The following CCDC149 variants were observed in gnomAD, a reference collection of about 807,000 sequenced individuals.
CCDC149 encodes the protein coiled-coil domain-containing protein 149.
In CCDC149, 45 loss-of-function variants were observed where a neutral mutation model predicts 59.9. That is an observed-to-expected ratio of 0.75 (90% confidence interval 0.59 to 0.96). CCDC149 has a LOEUF of 0.96. Ranked by LOEUF, CCDC149 falls within the 40% of genes least tolerant of loss-of-function variation. The pLI is 0.00. For missense variants in CCDC149, 584 were observed against 664.7 expected (o/e 0.88, Z 1.33); for synonymous variants, 245 against 260.6 (o/e 0.94, Z 0.58).
chr4:24,831,327 A>G, intron 9 of CCDC149, 179 bp downstream of exon 9: 1 of 626,298 alleles, frequency 1.6e-6, no homozygotes, highest in Non-Finnish European at 2.8e-6. Context: ...GCTCCAGCTG[A>G]TAGCCAAGAT....
At chr4:24,827,923 T>C (rs1715868467) in intron 9 of CCDC149, 1 of 152,162 alleles carries the variant, frequency 6.6e-6, no homozygotes. Flanking sequence ...AAGATTGCAA[T>C]TGGGTCATGC....
chr4:24,889,072 G>A (rs1326898098), intron 1 of CCDC149, among the ~76,000 whole-genome samples: 2 of 152,146 alleles, frequency 1.3e-5, no homozygotes, highest in Non-Finnish European at 2.9e-5. Context: ...TTTATAATGT[G>A]AACTACAGTA....
chr4:24,906,465 G>A (rs1166563612), intron 1 of CCDC149, among the ~76,000 whole-genome samples: 8 of 140,740 alleles, frequency 5.7e-5, no homozygotes, highest in Non-Finnish European at 7.8e-5. Flanking sequence ...GCAGTGGCAC[G>A]ATCTTGGCTC....
chr4:24,973,992 G>A (rs1374458100), intron 1 of CCDC149, among the ~76,000 whole-genome samples: 1 of 152,384 alleles, frequency 6.6e-6, no homozygotes, highest in Non-Finnish European at 1.5e-5. Flanking sequence ...TGTTTCGCAA[G>A]AGTCACGGTC....
intron 1 of CCDC149, among the ~76,000 whole-genome samples, chr4:24,904,715 T>C (rs764474474): frequency 6.6e-6 from 1 of 152,220 alleles, no homozygotes. Flanking sequence ...TTTTGTAACT[T>C]GTTGCTTTTC....
chr4:24,851,594 A>G (rs1237470660), intron 4 of CCDC149, among the ~76,000 whole-genome samples: 1 of 152,224 alleles, frequency 6.6e-6, no homozygotes, highest in Non-Finnish European at 1.5e-5. Context: ...AAATAGAAAA[A>G]ATATGTTATC....
chr4:24,893,448 T>A (rs1258439489), intron 1 of CCDC149, among the ~76,000 whole-genome samples: 2 of 152,124 alleles, frequency 1.3e-5, no homozygotes, highest in African/African-American at 4.8e-5. Context: ...ACACCCAATA[T>A]TGTAAGACTT....
chr4:24,805,130 C>T (rs1038860094), downstream of CCDC149, among the ~76,000 whole-genome samples: 1 of 152,208 alleles, frequency 6.6e-6, no homozygotes, highest in Non-Finnish European at 1.5e-5. Context: ...TAAAAATCCA[C>T]ACCTAGAGGC....
intron 4 of CCDC149, among the ~76,000 whole-genome samples, chr4:24,844,904 T>C (rs953127402): frequency 6.6e-6 from 1 of 152,192 alleles, no homozygotes; most frequent in African/African-American, 2.4e-5. Flanking sequence ...CTGATCCCCA[T>C]TCACCCATTT....
chr4:24,904,147 T>A (rs986982767), intron 1 of CCDC149, among the ~76,000 whole-genome samples: 1 of 152,250 alleles, frequency 6.6e-6, no homozygotes, highest in Admixed American at 6.5e-5. Flanking sequence ...ATTGTGGTGA[T>A]GGTTACACCA....
intron 1 of CCDC149, among the ~76,000 whole-genome samples, chr4:24,922,125 A>G (rs1722312900): frequency 6.6e-6 from 1 of 152,094 alleles, no homozygotes; most frequent in Non-Finnish European, 1.5e-5. Flanking sequence ...CACCTGTCAT[A>G]TTGCATAAGA....
intron 1 of CCDC149, 140 bp downstream of exon 1, chr4:24,912,677 G>A: frequency 4.7e-6 from 2 of 422,364 alleles, no homozygotes; most frequent in Non-Finnish European, 7.1e-6. Flanking sequence ...TGGCGGGGTC[G>A]CGCGGGTGCG....
intron 4 of CCDC149, among the ~76,000 whole-genome samples, chr4:24,849,713 G>C (rs1021040034): frequency 1.3e-5 from 2 of 152,160 alleles, no homozygotes; most frequent in African/African-American, 4.8e-5. Flanking sequence ...TTTTTCAAAC[G>C]TACTTAACAT....
intron 3 of CCDC149, among the ~76,000 whole-genome samples, chr4:24,866,809 ACACACACACACACC>A (rs1424367334): frequency 3.0e-5 from 2 of 66,874 alleles, no homozygotes; most frequent in Non-Finnish European, 5.7e-5. Context: ...AAAAAAATAT[ACACACACACACACC>A]CACACACACA....
intron 9 of CCDC149, chr4:24,830,811 T>C (rs1253090312): frequency 1.3e-5 from 2 of 152,248 alleles, no homozygotes; most frequent in African/African-American, 2.4e-5. Context: ...AGATCAGACC[T>C]AATGTGGGGT....
At chr4:24,959,564 G>T (rs1369178876) in intron 1 of CCDC149, among the ~76,000 whole-genome samples, 1 of 151,984 alleles carries the variant, frequency 6.6e-6, no homozygotes, top group South Asian at 2.1e-4. Context: ...AGCTTAAGAA[G>T]CACAAGAAAC....
intron 4 of CCDC149, among the ~76,000 whole-genome samples, chr4:24,842,636 G>GTGCAGC (rs1717008302): frequency 6.6e-6 from 1 of 152,164 alleles, no homozygotes; most frequent in Non-Finnish European, 1.5e-5. Context: ...TGCGGATGAG[G>GTGCAGC]TGCAGCTGCA....
At chr4:24,886,714 C>T (rs965622589) in intron 1 of CCDC149, among the ~76,000 whole-genome samples, 2 of 151,958 alleles carry the variant, frequency 1.3e-5, no homozygotes, top group African/African-American at 4.8e-5. Flanking sequence ...TTTACTTTAA[C>T]CTCTAAGTCT....
chr4:24,817,011 G>C (rs1455610252), intron 12 of CCDC149, among the ~76,000 whole-genome samples: 1 of 152,158 alleles, frequency 6.6e-6, no homozygotes, highest in Non-Finnish European at 1.5e-5. Context: ...GACAGCCACG[G>C]CGTAAACACT....
Sources: allele counts gnomAD v4.1 joint callset (sites outside exome capture counted in the v4.1 genomes callset), GRCh38; gene constraint gnomAD v4.1.1; transcripts MANE v1.5; gene names NCBI Gene and HGNC (gene_info 2026-07-23, HGNC 2026-07-21).